The following SLC23A2 variants were observed in gnomAD, a reference collection of about 807,000 sequenced individuals.
The protein encoded by SLC23A2 is Na(+)/L-ascorbic acid transporter 2.
SLC23A2 carries 36 observed loss-of-function variants against 73.3 expected under a neutral mutation model. The observed-to-expected ratio is 0.49, with a 90% CI of 0.38 to 0.65. SLC23A2 has a LOEUF of 0.65. Ranked by LOEUF, SLC23A2 falls within the 30% of genes least tolerant of loss-of-function variation. SLC23A2 has a pLI of 0.00. For synonymous variants in SLC23A2, 343 were observed against 327.3 expected, an observed-to-expected ratio of 1.05 and a Z score of -0.52; for missense variants, 507 against 841.6, an observed-to-expected ratio of 0.60 and a Z score of 4.92.
chr20:4,864,426 C>G (rs1280322529), intron 13 of SLC23A2, among the ~76,000 whole-genome samples: 2 of 152,114 alleles, frequency 1.3e-5, no homozygotes, highest in East Asian at 1.9e-4. Context: ...CAGCTGGACT[C>G]AGTCACTGTC....
intron 6 of SLC23A2, among the ~76,000 whole-genome samples, chr20:4,886,619 A>G (rs973015994): frequency 2.6e-5 from 4 of 152,248 alleles, no homozygotes; most frequent in Admixed American, 2.6e-4. Flanking sequence ...TAGATACTTC[A>G]TATTGACTTC....
At chr20:4,897,314 T>C (rs958503341) in intron 6 of SLC23A2, among the ~76,000 whole-genome samples, 6 of 152,166 alleles carry the variant, frequency 3.9e-5, no homozygotes, top group Admixed American at 3.3e-4. Context: ...GCTGACGTGA[T>C]TAGAGTCAGC....
rs1202290101 is a variant in SLC23A2, at chr20:4,856,756, AAAGGGCAAGGAGTT to A, written c.*202_*215del. The A allele has an allele frequency of 5.7e-6, 3 of 530,250 alleles. No homozygotes were observed. Among genetic ancestry groups the A allele is most frequent in the Non-Finnish European group, 1.0e-5 (3 of 297,920 alleles). The allele number at this position is 530,250 out of a possible 1,614,324, so 32.8% of individuals were successfully genotyped here. A position where few individuals can be genotyped will look rare whatever the true frequency, so the allele number is the denominator to read the frequency against. ...ACCATGGCCAGCAATGGACACTCTC[AAAGGGCAAGGAGTT>A]AAGGGCTTAAATAAGGAGATAGGCG... On this transcript the variant is annotated 3_prime_UTR_variant, in exon 17 of 17. Transcript: ENST00000338244. The surrounding 1 kb of genome is among the most constrained non-coding windows in gnomAD (Gnocchi z 4.6).
At chr20:4,989,193 C>T (rs1175750058) in intron 1 of SLC23A2, among the ~76,000 whole-genome samples, 2 of 148,808 alleles carry the variant, frequency 1.3e-5, no homozygotes, top group East Asian at 3.9e-4. Flanking sequence ...GAGCCGAGAT[C>T]GCTGCTGCAC....
chr20:4,965,169 C>G (rs924126881), intron 2 of SLC23A2, among the ~76,000 whole-genome samples: 1 of 152,066 alleles, frequency 6.6e-6, no homozygotes, highest in African/African-American at 2.4e-5. Context: ...CCGGAGAGAG[C>G]GCTGGGAGGG....
intron 1 of SLC23A2, among the ~76,000 whole-genome samples, chr20:4,973,064 C>T (rs1568650263): frequency 6.6e-6 from 1 of 152,176 alleles, no homozygotes; most frequent in Non-Finnish European, 1.5e-5. Flanking sequence ...TTGAAAAATA[C>T]AGGTTGTACA....
Position 4,868,073 on chromosome 20 carries a change from T to A in SLC23A2, c.1251-198A>T, listed in dbSNP as rs1431919160. Among the ~76,000 whole-genome samples, 4 of 48,896 alleles carry A rather than the reference T, an allele frequency of 8.2e-5. No homozygotes were observed. Among genetic ancestry groups the A allele is most frequent in the South Asian group, 6.2e-4 (1 of 1,618 alleles). 32.1% of individuals were successfully genotyped at this position (48,896 alleles called of 152,430 possible). On this transcript the variant is annotated intron_variant, in intron 12 of 16. Coordinates refer to ENST00000338244, the MANE Select transcript of SLC23A2 (RefSeq NM_005116.6). This position sits in a 1 kb window ranked among gnomAD's most constrained non-coding sequence, Gnocchi z 4.4. ...CTGCTGAAGCAGAAAAGAATCTGCA[T>A]TTTTTTTTTTTTTTTTTTTTTTTTT... is the stretch of plus-strand genomic sequence containing the variant.
At chr20:4,967,059 A>G (rs1366238619) in intron 2 of SLC23A2, among the ~76,000 whole-genome samples, 1 of 152,202 alleles carries the variant, frequency 6.6e-6, no homozygotes, top group Non-Finnish European at 1.5e-5. Flanking sequence ...GAAGCACAAG[A>G]TGAAAGGTCA....
At chr20:4,935,842 T>C (rs1212959413) in intron 2 of SLC23A2, among the ~76,000 whole-genome samples, 1 of 152,054 alleles carries the variant, frequency 6.6e-6, no homozygotes, top group Admixed American at 6.6e-5. Context: ...TATATCTATA[T>C]CTATGTAGAA....
At chr20:4,887,072 G>A (rs1007968489) in intron 6 of SLC23A2, among the ~76,000 whole-genome samples, 1 of 152,190 alleles carries the variant, frequency 6.6e-6, no homozygotes, top group Non-Finnish European at 1.5e-5. Flanking sequence ...ATCATGCAAT[G>A]ACATCAATCC....
chr20:4,927,736 G>C (rs1468636587), intron 3 of SLC23A2, among the ~76,000 whole-genome samples: 1 of 151,780 alleles, frequency 6.6e-6, no homozygotes, highest in Non-Finnish European at 1.5e-5. Context: ...TCCTTCTTTG[G>C]CCCTCAAAAC....
intron 9 of SLC23A2, among the ~76,000 whole-genome samples, chr20:4,881,157 G>C (rs1930867473): frequency 6.6e-6 from 1 of 152,252 alleles, no homozygotes; most frequent in Non-Finnish European, 1.5e-5. Context: ...GAGGAAAGCA[G>C]AAGAAACTGG....
rs1207266439 is a variant in SLC23A2, at chr20:4,991,543, GAA to G, written c.-282+9861_-282+9862del. On this transcript the variant is annotated intron_variant, in intron 1 of 16. Coordinates refer to ENST00000338244, the MANE Select transcript of SLC23A2 (RefSeq NM_005116.6). ...TCAAGACCAGCCTGACCAATACGGT[GAA>G]ACCCCATCTCTACTAAAAATACAAA... is the stretch of plus-strand genomic sequence containing the variant. Among the ~76,000 whole-genome samples, 22 of 152,020 alleles carry G rather than the reference GAA, an allele frequency of 1.4e-4. 1 individual carries two copies. The highest frequency in any genetic ancestry group is 2.6e-4 in the Non-Finnish European group (18 of 68,016).
chr20:5,009,732 G>A (rs191913730), intron 1 of SLC23A2, among the ~76,000 whole-genome samples: 76 of 152,246 alleles, frequency 5.0e-4, no homozygotes, highest in Admixed American at 1.2e-3. Context: ...CAGGGTTCTG[G>A]AGAATTGGAA....
At chr20:4,970,420 T>G (rs1318959075) in intron 2 of SLC23A2, among the ~76,000 whole-genome samples, 2 of 152,122 alleles carry the variant, frequency 1.3e-5, no homozygotes, top group African/African-American at 2.4e-5. Context: ...GCTACAGAGC[T>G]GCCAGCCCAA....
intron 1 of SLC23A2, among the ~76,000 whole-genome samples, chr20:4,983,871 G>A (rs969610311): frequency 8.6e-5 from 13 of 151,214 alleles, no homozygotes; most frequent in Middle Eastern, 3.4e-3. Flanking sequence ...CAGGAGAATT[G>A]CTTGAACCCG....
chr20:4,903,198 A>G (rs1931816926), intron 4 of SLC23A2, among the ~76,000 whole-genome samples: 1 of 152,224 alleles, frequency 6.6e-6, no homozygotes, highest in Non-Finnish European at 1.5e-5. Flanking sequence ...TTCTCCTAAC[A>G]CTAGTAAAAA....
intron 2 of SLC23A2, among the ~76,000 whole-genome samples, chr20:4,953,676 G>A (rs2087238025): frequency 6.6e-6 from 1 of 152,036 alleles, no homozygotes; most frequent in African/African-American, 2.4e-5. Flanking sequence ...ATTACTTGGG[G>A]TCAGGAGTTC....
Position 4,932,405 on chromosome 20 carries a change from G to A in SLC23A2, c.108+50C>T, listed in dbSNP as rs369751030. On this transcript the variant is annotated intron_variant, in intron 3 of 16. Transcript: ENST00000338244. ...AGCCAATCCTATGTTGATTCCATACGGAAACTACTTTCAAGAGATTTAAGA... is the reference window on the plus strand; with the variant it reads ...AGCCAATCCTATGTTGATTCCATACAGAAACTACTTTCAAGAGATTTAAGA... 756 of 1,056,996 alleles carry A rather than the reference G, an allele frequency of 7.2e-4. 11 individuals carry two copies. Among genetic ancestry groups the A allele is most frequent in the South Asian group, 6.9e-3 (550 of 79,934 alleles). The allele number at this position is 1,056,996 out of a possible 1,614,324, so 65.5% of individuals were successfully genotyped here.
Sources: gnomAD v4.1 joint callset for allele counts (sites outside exome capture counted in the v4.1 genomes callset) on GRCh38, gnomAD v4.1.1 for gene constraint, Gnocchi (gnomAD v3.1) non-coding constraint, MANE v1.5 for transcripts, NCBI Gene and HGNC (gene_info 2026-07-23, HGNC 2026-07-21) for gene names.